Variants in GXYLT2 observed in about 807,000 individuals in gnomAD.
The protein encoded by GXYLT2 is glucoside xylosyltransferase 2, also known as glycosyltransferase 8 domain containing 4.
Under a neutral mutation model 45.8 loss-of-function variants are expected in GXYLT2, and 53 were observed. The ratio of observed to expected loss-of-function variants is 1.16; its 90% CI spans 0.93 to 1.46. The LOEUF is 1.46. GXYLT2 is among the 40% of genes most tolerant of loss of function. The pLI is 0.00. For synonymous variants in GXYLT2, 219 were observed against 214.2 expected (o/e 1.02, Z -0.19); for missense variants, 551 against 544.4 (o/e 1.01, Z -0.12).
intron 3 of GXYLT2, among the ~76,000 whole-genome samples, chr3:72,942,129 A>G (rs1166201916): frequency 6.6e-6 from 1 of 152,160 alleles, no homozygotes; most frequent in Non-Finnish European, 1.5e-5. Context: ...TGGAAGAGGT[A>G]GGAGCCAACC....
chr3:72,955,527 T>A (rs1245829437), intron 4 of GXYLT2, among the ~76,000 whole-genome samples, 178 bp downstream of exon 4: 2 of 152,154 alleles, frequency 1.3e-5, no homozygotes, highest in African/African-American at 4.8e-5. Flanking sequence ...CAGGAAAAGC[T>A]CAGATGGCAA....
intron 1 of GXYLT2, among the ~76,000 whole-genome samples, chr3:72,902,081 A>G (rs1326618193): frequency 6.6e-6 from 1 of 151,400 alleles, no homozygotes; most frequent in Non-Finnish European, 1.5e-5. Context: ...GTATCAGTTT[A>G]CCAGTTGATG....
intron 4 of GXYLT2, among the ~76,000 whole-genome samples, chr3:72,956,994 C>T (rs1015605580): frequency 1.4e-5 from 2 of 148,088 alleles, no homozygotes; most frequent in Non-Finnish European, 3.0e-5. Context: ...TGAGTAGAAA[C>T]CATAGGTTCA....
chr3:72,890,180 C>T (rs753562605), intron 1 of GXYLT2, among the ~76,000 whole-genome samples: 4 of 151,748 alleles, frequency 2.6e-5, no homozygotes, highest in Non-Finnish European at 4.4e-5. Flanking sequence ...TCCCAAAGTG[C>T]TAGGATTACA....
chr3:72,896,156 C>T (rs1014669456), intron 1 of GXYLT2, among the ~76,000 whole-genome samples: 10 of 152,342 alleles, frequency 6.6e-5, no homozygotes, highest in Middle Eastern at 3.4e-3. Flanking sequence ...TTGAACAAGT[C>T]GGTCCTCAGC....
intron 2 of GXYLT2, among the ~76,000 whole-genome samples, chr3:72,915,490 G>C (rs1045367845): frequency 3.3e-4 from 50 of 151,926 alleles, no homozygotes; most frequent in African/African-American, 1.2e-3. Flanking sequence ...GGGGTGATGT[G>C]GGGGAGGTCT....
At chr3:72,931,232 T>C (rs1710027815) in intron 3 of GXYLT2, among the ~76,000 whole-genome samples, 9 of 149,574 alleles carry the variant, frequency 6.0e-5, no homozygotes, top group Admixed American at 5.9e-4. Context: ...TTATTTTATT[T>C]TCTATTTTTT....
At chr3:72,961,166 G>A (rs964091445) in intron 5 of GXYLT2, among the ~76,000 whole-genome samples, 4 of 152,196 alleles carry the variant, frequency 2.6e-5, no homozygotes, top group African/African-American at 7.2e-5. Context: ...TGGCAGGTGA[G>A]CCAACGCAGC....
chr3:72,972,176 A>G (rs1710998224), intron 6 of GXYLT2, among the ~76,000 whole-genome samples: 1 of 151,796 alleles, frequency 6.6e-6, no homozygotes, highest in Non-Finnish European at 1.5e-5. Context: ...GTTTGTGTGT[A>G]CGTGTTTGTG....
At chr3:72,902,913 T>A (rs898852581) in intron 1 of GXYLT2, among the ~76,000 whole-genome samples, 4 of 152,178 alleles carry the variant, frequency 2.6e-5, no homozygotes, top group Admixed American at 2.0e-4. Context: ...CTCGGGAGGC[T>A]GAGGCAGGAG....
chr3:72,931,236 AT>A (rs200320280), intron 3 of GXYLT2, among the ~76,000 whole-genome samples: 7 of 149,350 alleles, frequency 4.7e-5, no homozygotes, highest in Admixed American at 1.3e-4. Context: ...TTTATTTTCT[AT>A]TTTTTTTTTG....
At position 72,888,206 on chromosome 3, in the gene GXYLT2, G is replaced by C. The variant is rs1709102104; in HGVS notation, c.-28G>C. On this transcript the variant is annotated 5_prime_UTR_variant, in exon 1 of 7. Coordinates refer to ENST00000389617, the MANE Select transcript of GXYLT2 (RefSeq NM_001080393.2). ...ATGCGCAGAGGGGCCGAGCCGCCTG[G>C]GGGCCGCCGCCGCCGCCGCGCCGCA... 3 of 987,022 alleles carry C rather than the reference G, an allele frequency of 3.0e-6. 1 individual carries two copies. Among genetic ancestry groups the C allele is most frequent in the East Asian group, 1.1e-4 (1 of 8,916 alleles). 61.1% of individuals were successfully genotyped at this position (987,022 alleles called of 1,614,324 possible).
chr3:72,931,613 A>G lies in GXYLT2; in HGVS notation c.600+9278A>G, dbSNP rs191764278. On this transcript the variant is annotated intron_variant, in intron 3 of 6. Coordinates refer to ENST00000389617, the MANE Select transcript of GXYLT2 (RefSeq NM_001080393.2). ...TACAATGAAAATGAAGATACAACAT[A>G]CCAGTACTTATGGCAGACACCTAAC... Among the ~76,000 whole-genome samples, 6 of 152,210 alleles carry G rather than the reference A, an allele frequency of 3.9e-5. No individual in the cohort carries two copies. The South Asian group carries it at 6.2e-4, about 16-fold the overall frequency.
At chr3:72,923,300 A>G (rs1410417017) in intron 3 of GXYLT2, among the ~76,000 whole-genome samples, 1 of 152,148 alleles carries the variant, frequency 6.6e-6, no homozygotes, top group East Asian at 1.9e-4. Context: ...CTGTAGTCCC[A>G]GCTACTTGGG....
intron 2 of GXYLT2, among the ~76,000 whole-genome samples, chr3:72,915,319 C>T (rs1335686107): frequency 7.5e-6 from 1 of 133,654 alleles, no homozygotes; most frequent in East Asian, 2.2e-4. Flanking sequence ...GGGGACCATG[C>T]CTCTTCGTTA....
chr3:72,945,599 G>C (rs1710388832), intron 3 of GXYLT2, among the ~76,000 whole-genome samples: 1 of 152,164 alleles, frequency 6.6e-6, no homozygotes, highest in Non-Finnish European at 1.5e-5. Flanking sequence ...GGAAGGGGGA[G>C]CCCTCTGGGA....
At chr3:72,960,108 G>A (rs1016671616) in intron 5 of GXYLT2, among the ~76,000 whole-genome samples, 1 of 152,164 alleles carries the variant, frequency 6.6e-6, no homozygotes, top group African/African-American at 2.4e-5. Flanking sequence ...ACCACACCCA[G>A]CTAATTTTTG....
intron 6 of GXYLT2, among the ~76,000 whole-genome samples, chr3:72,971,724 G>A (rs1382646344): frequency 3.9e-5 from 6 of 152,110 alleles, no homozygotes; most frequent in Non-Finnish European, 8.8e-5. Flanking sequence ...TGAGGCAGGT[G>A]GATCACTTGA....
intron 3 of GXYLT2, among the ~76,000 whole-genome samples, chr3:72,942,108 G>C (rs949344354): frequency 3.9e-5 from 6 of 152,022 alleles, no homozygotes; most frequent in Middle Eastern, 3.2e-3. Context: ...TTAAAAGGAG[G>C]GGGTTCATAT....
Sources: allele counts gnomAD v4.1 joint callset (sites outside exome capture counted in the v4.1 genomes callset), GRCh38; gene constraint gnomAD v4.1.1; transcripts MANE v1.5; gene names NCBI Gene and HGNC (gene_info 2026-07-23, HGNC 2026-07-21).